The following ITPK1 variants were observed in gnomAD, a reference collection of about 807,000 sequenced individuals.
ITPK1 encodes inositol-tetrakisphosphate 1-kinase.
ITPK1 carries 21 observed loss-of-function variants against 45.3 expected under a neutral mutation model. The ratio of observed to expected loss-of-function variants is 0.46; its 90% CI spans 0.33 to 0.67. The LOEUF (loss-of-function observed/expected upper bound fraction) is 0.67, where lower values mean the gene tolerates loss of function less well. ITPK1 is among the 30% of genes least tolerant of loss of function. The probability of loss-of-function intolerance (pLI) is 0.02; values close to 1 mark genes in which losing one functional copy is unlikely to be tolerated. For missense variants in ITPK1, 474 were observed against 573.5 expected (o/e 0.83, Z 1.77); for synonymous variants, 258 against 253.6 (o/e 1.02, Z -0.16).
intron 5 of ITPK1, among the ~76,000 whole-genome samples, chr14:92,983,147 TCAGA>T (rs966880957): frequency 1.4e-4 from 21 of 152,172 alleles, no homozygotes; most frequent in Non-Finnish European, 2.5e-4. Flanking sequence ...AGACACTGGC[TCAGA>T]CAGAGACAGG....
chr14:93,082,685 T>C (rs1027249596), intron 2 of ITPK1, among the ~76,000 whole-genome samples: 2 of 152,218 alleles, frequency 1.3e-5, no homozygotes, highest in Non-Finnish European at 2.9e-5. Context: ...GCACATGACC[T>C]GTCACCTCAC....
At chr14:93,066,402 C>A in intron 3 of ITPK1, 6 of 332,094 alleles carry the variant, frequency 1.8e-5, no homozygotes, top group East Asian at 9.4e-5. Context: ...TGACATTTAG[C>A]AATTCTTTTT....
In ITPK1 at chr14:93,042,778, G is replaced by C. The variant is rs141582196; in HGVS notation, c.121-25977C>G. On this transcript the variant is annotated intron_variant, in intron 3 of 10. Transcript: ENST00000267615. ...CACACCTGTAATCCCAGCACTTTGG[G>C]AGGCCAAGGTGGGCAGATCACTTGA... Among the ~76,000 whole-genome samples, 938 of 152,304 alleles carry C rather than the reference G, an allele frequency of 6.2e-3. 10 individuals are homozygous for C. The highest frequency in any genetic ancestry group is 0.021 in the African/African-American group (890 of 41,560).
At chr14:93,094,661 G>A (rs1487414959) in intron 2 of ITPK1, among the ~76,000 whole-genome samples, 1 of 152,336 alleles carries the variant, frequency 6.6e-6, no homozygotes, top group African/African-American at 2.4e-5. Flanking sequence ...CCAAGCCGGT[G>A]AGCCCACCGG....
intron 2 of ITPK1, among the ~76,000 whole-genome samples, chr14:93,095,393 C>T (rs80204156): frequency 0.024 from 3,603 of 152,298 alleles, 70 homozygotes; most frequent in Non-Finnish European, 0.037. Context: ...GAGAAGCTCG[C>T]TAACTTGCTA....
chr14:92,952,303 G>A (rs965466515), intron 8 of ITPK1, among the ~76,000 whole-genome samples: 1 of 152,154 alleles, frequency 6.6e-6, no homozygotes, highest in African/African-American at 2.4e-5. Flanking sequence ...TGTTCCCAAA[G>A]TGTGCTGTCA....
chr14:93,027,911 G>T (rs1888822911), intron 3 of ITPK1, among the ~76,000 whole-genome samples: 1 of 152,134 alleles, frequency 6.6e-6, no homozygotes, highest in South Asian at 2.1e-4. Context: ...TCCAACCTCT[G>T]CCCTGAGGCT....
intron 3 of ITPK1, among the ~76,000 whole-genome samples, chr14:93,028,814 C>A (rs1231443941): frequency 6.6e-6 from 1 of 152,228 alleles, no homozygotes; most frequent in Non-Finnish European, 1.5e-5. Flanking sequence ...GCGTCCCAGG[C>A]ACGATGATGG....
At chr14:92,975,391 G>A (rs1885890056) in intron 5 of ITPK1, among the ~76,000 whole-genome samples, 1 of 152,176 alleles carries the variant, frequency 6.6e-6, no homozygotes, top group African/African-American at 2.4e-5. Context: ...CCTCCCTGAT[G>A]GAGGCAGATG....
intron 5 of ITPK1, among the ~76,000 whole-genome samples, chr14:92,988,468 A>G (rs902388864): frequency 6.6e-6 from 1 of 152,164 alleles, no homozygotes; most frequent in African/African-American, 2.4e-5. Context: ...TCCTGCCATG[A>G]TGTGTGGCTG....
intron 4 of ITPK1, among the ~76,000 whole-genome samples, chr14:93,008,692 A>G (rs1327554688): frequency 6.6e-6 from 1 of 152,202 alleles, no homozygotes; most frequent in Non-Finnish European, 1.5e-5. Context: ...TTATTACATG[A>G]AGACAAAGGC....
intron 5 of ITPK1, among the ~76,000 whole-genome samples, chr14:92,986,409 G>A (rs1886485994): frequency 6.6e-6 from 1 of 152,214 alleles, no homozygotes; most frequent in Admixed American, 6.5e-5. Flanking sequence ...ACAGCCAGGG[G>A]AAAGGAATTT....
intron 2 of ITPK1, among the ~76,000 whole-genome samples, chr14:93,095,268 T>C (rs1344296344): frequency 3.3e-5 from 5 of 152,250 alleles, no homozygotes; most frequent in Admixed American, 3.3e-4. Context: ...TGTAAATAAA[T>C]CTAGCAGGCA....
chr14:93,053,580 T>C (rs1890107681), intron 3 of ITPK1, among the ~76,000 whole-genome samples: 1 of 152,230 alleles, frequency 6.6e-6, no homozygotes, highest in Non-Finnish European at 1.5e-5. Context: ...TCACTATGCA[T>C]GTGTCCAAAC....
At chr14:93,047,359 A>T (rs544878705) in intron 3 of ITPK1, among the ~76,000 whole-genome samples, 1 of 152,372 alleles carries the variant, frequency 6.6e-6, no homozygotes, top group African/African-American at 2.4e-5. Flanking sequence ...GATAAGCTGA[A>T]GTCCTAACCT....
In ITPK1 at chr14:93,053,327, C is replaced by A. The variant is rs79666246; in HGVS notation, c.120+23268G>T. ...GATGTGCTCCCTGGGGGTTCCAGTGCACACTCCAGTTTGAGAACCATTACT... is the reference window on the plus strand; with the variant it reads ...GATGTGCTCCCTGGGGGTTCCAGTGAACACTCCAGTTTGAGAACCATTACT... On this transcript the variant is annotated intron_variant, in intron 3 of 10. Coordinates refer to ENST00000267615, the MANE Select transcript of ITPK1 (RefSeq NM_014216.6). Among the ~76,000 whole-genome samples, 83 of 152,172 alleles carry A rather than the reference C, an allele frequency of 5.5e-4. 1 individual carries two copies. Among genetic ancestry groups the A allele is most frequent in the African/African-American group, 2.0e-3 (81 of 41,506 alleles).
At chr14:93,075,652 C>T (rs375133836) in intron 3 of ITPK1, among the ~76,000 whole-genome samples, 2 of 152,180 alleles carry the variant, frequency 1.3e-5, no homozygotes, top group Non-Finnish European at 1.5e-5. Context: ...CTCCTATGAC[C>T]GCTGAGGGAA....
rs533591004 is a variant in ITPK1 at position 93,098,119 on chromosome 14, G to C, written c.95+16950C>G. Among the ~76,000 whole-genome samples the C allele has an allele frequency of 1.3e-3, 197 of 152,184 alleles. 1 individual carries two copies. Among genetic ancestry groups the C allele is most frequent in the African/African-American group, 4.7e-3 (196 of 41,532 alleles). Reference sequence around the variant, plus strand: ...AGATCACTTGAGGTCAGGAGTTTGAGACCAGCCTGACCAACATGGTGAAAC... The same window carrying C: ...AGATCACTTGAGGTCAGGAGTTTGACACCAGCCTGACCAACATGGTGAAAC... On this transcript the variant is annotated intron_variant, in intron 2 of 10. Transcript: ENST00000267615.
At chr14:93,022,090 C>G (rs762592945) in intron 3 of ITPK1, among the ~76,000 whole-genome samples, 3 of 152,136 alleles carry the variant, frequency 2.0e-5, no homozygotes, top group Non-Finnish European at 2.9e-5. Flanking sequence ...AAAGCTACAC[C>G]CATTCAGCAA....
Sources: allele counts gnomAD v4.1 joint callset (sites outside exome capture counted in the v4.1 genomes callset), GRCh38; gene constraint gnomAD v4.1.1; transcripts MANE v1.5; gene names NCBI Gene and HGNC (gene_info 2026-07-23, HGNC 2026-07-21).